The following RAB3GAP1 variants were observed in gnomAD, a reference collection of about 807,000 sequenced individuals.
The protein encoded by RAB3GAP1 is RAB3 GTPase activating protein catalytic subunit 1.
Under a neutral mutation model 130.7 loss-of-function variants are expected in RAB3GAP1, and 86 were observed. The observed-to-expected ratio is 0.66, with a 90% confidence interval of 0.55 to 0.79. RAB3GAP1 has a LOEUF of 0.79. Ranked by LOEUF, RAB3GAP1 falls within the 30% of genes least tolerant of loss-of-function variation. The pLI is 0.00. For synonymous variants in RAB3GAP1, 367 were observed against 401.7 expected, an observed-to-expected ratio of 0.91 and a Z score of 1.03; for missense variants, 1,029 against 1,169.4, an observed-to-expected ratio of 0.88 and a Z score of 1.75.
intron 3 of RAB3GAP1, among the ~76,000 whole-genome samples, chr2:135,082,075 G>A (rs980635721): frequency 1.3e-5 from 2 of 151,960 alleles, no homozygotes; most frequent in African/African-American, 4.8e-5. Context: ...CCAGGAGGCG[G>A]AGGTTGCAGT....
intron 3 of RAB3GAP1, chr2:135,058,369 T>A: frequency 4.1e-6 from 1 of 242,878 alleles, no homozygotes; most frequent in Non-Finnish European, 7.8e-6. Flanking sequence ...TGAAGTTTGC[T>A]TCTCTTTTGC....
At chr2:135,101,801 A>T (rs13413101) in intron 5 of RAB3GAP1, among the ~76,000 whole-genome samples, 76,577 of 151,224 alleles carry the variant, frequency 0.51, 24,645 homozygotes, top group African/African-American at 0.86. Context: ...TTCTTTTTTT[A>T]TTTTCTTTAA....
At chr2:135,153,944 T>C in intron 19 of RAB3GAP1, 68 bp downstream of exon 19, 1 of 1,430,874 alleles carries the variant, frequency 7.0e-7, no homozygotes, top group Non-Finnish European at 9.8e-7. Flanking sequence ...GAACTCACTG[T>C]CATAGACGTG....
intron 5 of RAB3GAP1, among the ~76,000 whole-genome samples, chr2:135,098,108 C>T (rs1428680351): frequency 2.0e-5 from 3 of 152,130 alleles, no homozygotes; most frequent in African/African-American, 7.2e-5. Context: ...TAATTTTGAA[C>T]ATCTTTCGTG....
intron 8 of RAB3GAP1, among the ~76,000 whole-genome samples, chr2:135,122,074 C>CA (rs1244444169): frequency 2.6e-5 from 4 of 151,352 alleles, no homozygotes; most frequent in Admixed American, 2.0e-4. Flanking sequence ...GCCTGGGTGA[C>CA]AGAGTGAGAC....
chr2:135,171,944 C>CCGGCA (rs1692866079), downstream of RAB3GAP1, among the ~76,000 whole-genome samples: 1 of 152,100 alleles, frequency 6.6e-6, no homozygotes, highest in African/African-American at 2.4e-5. Context: ...AGGAGTGTAC[C>CCGGCA]CGGCACGTGG....
At chr2:135,155,601 A>G (rs1692288323) in intron 19 of RAB3GAP1, among the ~76,000 whole-genome samples, 1 of 152,188 alleles carries the variant, frequency 6.6e-6, no homozygotes, top group Admixed American at 6.5e-5. Context: ...AAATTAGTGG[A>G]ATACAAACTT....
At chr2:135,057,465 G>A (rs13393064) in intron 2 of RAB3GAP1, among the ~76,000 whole-genome samples, 4,120 of 152,210 alleles carry the variant, frequency 0.027, 165 homozygotes, top group African/African-American at 0.092. Context: ...GCAGTGGCGC[G>A]ATGTCCGCTC....
chr2:135,065,996 A>G (rs1455750687), intron 3 of RAB3GAP1, among the ~76,000 whole-genome samples: 1 of 151,974 alleles, frequency 6.6e-6, no homozygotes, highest in Admixed American at 6.6e-5. Flanking sequence ...AATGGTCTCA[A>G]TCTCTTGACC....
At chr2:135,162,375 G>C in intron 19 of RAB3GAP1, 180 bp from the exon 20 acceptor site, 1 of 643,748 alleles carries the variant, frequency 1.6e-6, no homozygotes. Context: ...AATTATTAAA[G>C]ATTGAAGTTC....
At chr2:135,056,751 C>G (rs1175696237) in intron 2 of RAB3GAP1, among the ~76,000 whole-genome samples, 1 of 152,124 alleles carries the variant, frequency 6.6e-6, no homozygotes, top group East Asian at 1.9e-4. Flanking sequence ...TGTCATTTGA[C>G]TGACCTCCCC....
At position 135,133,870 on chromosome 2, in the gene RAB3GAP1, A is replaced by G; in HGVS notation, c.1336A>G (p.Asn446Asp). ...PSESEDYNLY[N>D]QFKSAPSDSL... ...ATTTTGTTAAATTTAGAATCTCTAC[A>G]ATCAGTTCAAGTCTGCACCATCTGA... is the stretch of plus-strand genomic sequence containing the variant. The change falls in exon 15 of 24, where the codon AAT (asparagine) becomes GAT (aspartate). Residue 446 changes from asparagine to aspartate, a missense_variant. Asn to Asp is a conservative substitution (Grantham distance 23). This residue lies in a region of RAB3GAP1 where 510 missense variants were observed against 532.1 expected (regional missense o/e 0.96). Coordinates refer to ENST00000264158, the MANE Select transcript of RAB3GAP1 (RefSeq NM_012233.3). 6.2e-7 allele frequency: 1 copy of G among 1,613,592 alleles called. No individual in the cohort carries two copies. The highest frequency in any genetic ancestry group is 2.2e-5 in the East Asian group (1 of 44,862).
chr2:135,117,207 A>C (rs1690998395), intron 7 of RAB3GAP1, among the ~76,000 whole-genome samples: 1 of 152,126 alleles, frequency 6.6e-6, no homozygotes, highest in Admixed American at 6.5e-5. Flanking sequence ...GTATATATGT[A>C]ATTTTCTTTT....
At chr2:135,114,590 C>T (rs1690911756) in intron 6 of RAB3GAP1, among the ~76,000 whole-genome samples, 1 of 152,158 alleles carries the variant, frequency 6.6e-6, no homozygotes, top group African/African-American at 2.4e-5. Flanking sequence ...TCCTTCGAGC[C>T]TCTGGTCACA....
chr2:135,092,593 T>A (rs934330973), intron 4 of RAB3GAP1, among the ~76,000 whole-genome samples: 1 of 152,128 alleles, frequency 6.6e-6, no homozygotes, highest in African/African-American at 2.4e-5. Context: ...CCAATCACCA[T>A]ACCCAGTTAA....
chr2:135,093,355 T>C (rs1454417263), intron 4 of RAB3GAP1, among the ~76,000 whole-genome samples: 7 of 152,178 alleles, frequency 4.6e-5, no homozygotes, highest in African/African-American at 1.4e-4. Context: ...TGAGGAATTG[T>C]GTGAGTTGTG....
Position 135,052,326 on chromosome 2 carries a change from G to A in RAB3GAP1, c.18+1G>A. 1 of 1,614,044 alleles carries A rather than the reference G, an allele frequency of 6.2e-7. No individual in the cohort carries two copies. Among genetic ancestry groups the A allele is most frequent in the Non-Finnish European group, 8.5e-7 (1 of 1,180,036 alleles). ...CCTCAAGATGGCTGCCGACAGTGAG[G>A]TGATTTCTTTGCTCCCTACTTAATC... On this transcript the variant is annotated splice_donor_variant, in intron 1 of 23. Transcript: ENST00000264158. LOFTEE classifies it high-confidence loss of function.
chr2:135,154,048 A>C (rs913080200), intron 19 of RAB3GAP1, among the ~76,000 whole-genome samples, 172 bp downstream of exon 19: 1 of 152,210 alleles, frequency 6.6e-6, no homozygotes, highest in Non-Finnish European at 1.5e-5. Context: ...AACTAGTTGC[A>C]AATAGGGCAA....
intron 9 of RAB3GAP1, among the ~76,000 whole-genome samples, chr2:135,125,538 A>G (rs1042935837): frequency 1.8e-4 from 28 of 152,366 alleles, no homozygotes; most frequent in Non-Finnish European, 3.8e-4. Context: ...CAGCTATAAC[A>G]ATATACCTTA....
Sources: gnomAD v4.1 joint callset for allele counts (sites outside exome capture counted in the v4.1 genomes callset) on GRCh38, gnomAD v4.1.1 for gene constraint, gnomAD v4.1.1 regional missense constraint, MANE v1.5 for transcripts, NCBI Gene and HGNC (gene_info 2026-07-23, HGNC 2026-07-21) for gene names.